Variants in BIRC5 observed in about 807,000 individuals in gnomAD.
The protein encoded by BIRC5 is baculoviral IAP repeat-containing protein 5.
BIRC5 carries 8 observed loss-of-function variants against 15.8 expected under a neutral mutation model. The observed-to-expected ratio is 0.51, with a 90% CI of 0.30 to 0.91. BIRC5 has a LOEUF of 0.91. BIRC5 is among the 40% of genes least tolerant of loss of function. The pLI is 0.07. For missense variants in BIRC5, 163 were observed against 178.6 expected, an observed-to-expected ratio of 0.91 and a Z score of 0.50; for synonymous variants, 56 against 64.5, an observed-to-expected ratio of 0.87 and a Z score of 0.63.
intron 3 of BIRC5, chr17:78,222,760 G>T (rs2076523657): frequency 7.2e-6 from 11 of 1,524,548 alleles, no homozygotes; most frequent in Non-Finnish European, 9.6e-6. Flanking sequence ...AGGAGTTAGG[G>T]TTTATAAAAA....
Position 78,223,727 on chromosome 17 carries a change from G to C in BIRC5, c.*173G>C. 1 of 1,377,602 alleles carries C rather than the reference G, an allele frequency of 7.3e-7. No individual in the cohort carries two copies. The highest frequency in any genetic ancestry group is 9.5e-7 in the Non-Finnish European group (1 of 1,047,434). 85.3% of individuals were successfully genotyped at this position (1,377,602 alleles called of 1,614,324 possible). ...TTGTTTTGTCTTGAAAGTGGCACCAGAGGTGCTTCTGCCTGTGCAGCGGGT... is the reference window on the plus strand; with the variant it reads ...TTGTTTTGTCTTGAAAGTGGCACCACAGGTGCTTCTGCCTGTGCAGCGGGT... On this transcript the variant is annotated 3_prime_UTR_variant, in exon 4 of 4. Transcript: ENST00000350051.
Position 78,216,710 on chromosome 17 carries a change from A to G in BIRC5, c.268A>G (p.Lys90Glu), listed in dbSNP as rs775794750. Residue 90 changes from lysine (K) to glutamate (E), a missense_variant, in exon 3 of 4, where the codon AAG becomes GAG. By Grantham distance (56) the Lys-to-Glu change is moderately conservative. Coordinates refer to ENST00000350051, the MANE Select transcript of BIRC5 (RefSeq NM_001168.3). ...HSSGCAFLSV[K>E]KQFEELTLGE... ...GTCCGGTTGCGCTTTCCTTTCTGTC[A>G]AGAAGCAGTTTGAAGAATTAACCCT... is the stretch of plus-strand genomic sequence containing the variant. 2.5e-6 allele frequency: 4 copies of G among 1,613,930 alleles called. No individual in the cohort carries two copies. The East Asian group carries it at 8.9e-5, about 36-fold the overall frequency.
chr17:78,221,703 T>C (rs572902432), intron 3 of BIRC5, among the ~76,000 whole-genome samples: 51 of 152,350 alleles, frequency 3.3e-4, no homozygotes, highest in African/African-American at 1.2e-3. Context: ...ATGTATAAAA[T>C]GGAGATATTG....
At chr17:78,217,958 ATTTATTT>A (rs1567864465) in intron 3 of BIRC5, among the ~76,000 whole-genome samples, 20 of 150,608 alleles carry the variant, frequency 1.3e-4, no homozygotes, top group Admixed American at 6.6e-4. Context: ...TGCCCACCTT[ATTTATTT>A]ATTTATTTAT....
chr17:78,219,447 A>G (rs1195611127), intron 3 of BIRC5, among the ~76,000 whole-genome samples: 1 of 152,162 alleles, frequency 6.6e-6, no homozygotes, highest in Non-Finnish European at 1.5e-5. Context: ...GGCATCCCAA[A>G]GTGCTGGGAT....
chr17:78,218,335 C>A (rs1170021727), intron 3 of BIRC5, among the ~76,000 whole-genome samples: 1 of 151,140 alleles, frequency 6.6e-6, no homozygotes, highest in Non-Finnish European at 1.5e-5. Context: ...ACTTTGTCAC[C>A]CAGGCTGGAG....
chr17:78,223,682 T>C lies in BIRC5; in HGVS notation c.*128T>C. On this transcript the variant is annotated 3_prime_UTR_variant, in exon 4 of 4. Transcript: ENST00000350051. ...GGAAAGGAGATCAACATTTTCAAAT[T>C]AGATGTTTCAACTGTGCTCTTGTTT... 6.6e-7 allele frequency: 1 copy of C among 1,511,718 alleles called. No individual in the cohort carries two copies. Among genetic ancestry groups the C allele is most frequent in the Non-Finnish European group, 8.9e-7 (1 of 1,125,846 alleles). The allele number at this position is 1,511,718 out of a possible 1,614,324, so 93.6% of individuals were successfully genotyped here. A position where few individuals can be genotyped will look rare whatever the true frequency, so the allele number is the denominator to read the frequency against.
At chr17:78,215,927 C>A in intron 2 of BIRC5, 4 of 1,065,926 alleles carry the variant, frequency 3.8e-6, no homozygotes, top group Non-Finnish European at 4.6e-6. Context: ...TTGGGGAACC[C>A]GGGGCAATAA....
chr17:78,222,746 G>T (rs2076523552), intron 3 of BIRC5: 16 of 1,492,410 alleles, frequency 1.1e-5, no homozygotes, highest in African/African-American at 1.4e-5. Flanking sequence ...TTTTAATGTA[G>T]TAGAGGAGTT....
rs778430304 is a variant in BIRC5 at position 78,223,507 on chromosome 17, G to A, written c.382G>A (p.Ala128Thr). Residue 128 changes from alanine (A) to threonine (T), a missense_variant, in exon 4 of 4, where the codon GCG (alanine) becomes ACG (threonine). Ala to Thr is a moderately conservative substitution (Grantham distance 58). Transcript: ENST00000350051. The part of the protein sequence containing the change: ...NNKKKEFEET[A>T]EKVRRAIEQL... ...TAAGAAGAAAGAATTTGAGGAAACT[G>A]CGGAGAAAGTGCGCCGTGCCATCGA... 3 of 1,609,596 alleles carry A rather than the reference G, an allele frequency of 1.9e-6. No homozygotes were observed. The highest frequency in any genetic ancestry group is 2.2e-5 in the East Asian group (1 of 44,772).
At chr17:78,219,523 T>C (rs1021909208) in intron 3 of BIRC5, among the ~76,000 whole-genome samples, 29 of 152,094 alleles carry the variant, frequency 1.9e-4, no homozygotes, top group African/African-American at 7.0e-4. Flanking sequence ...ACTGAGATTG[T>C]GTTTTGTCAG....
At chr17:78,222,850 G>A (rs2076524396) in intron 3 of BIRC5, 22 of 1,535,936 alleles carry the variant, frequency 1.4e-5, no homozygotes, top group Non-Finnish European at 1.9e-5. Context: ...TTAGCAGAAT[G>A]AAAAAATTGG....
Position 78,216,732 on chromosome 17 carries a change from C to G in BIRC5, c.290C>G (p.Thr97Ser). 1 of 1,613,928 alleles carries G rather than the reference C, an allele frequency of 6.2e-7. No homozygotes were observed. ...LSVKKQFEEL[T>S]LGEFLKLDRE... Reference sequence around the variant, plus strand: ...GTCAAGAAGCAGTTTGAAGAATTAACCCTTGGTGAATTTTTGAAACTGGAC... The same window carrying G: ...GTCAAGAAGCAGTTTGAAGAATTAAGCCTTGGTGAATTTTTGAAACTGGAC... Residue 97 changes from threonine (T) to serine (S), a missense_variant, in exon 3 of 4, where the codon ACC (threonine) becomes AGC (serine). Thr to Ser is a moderately conservative substitution (Grantham distance 58). Transcript: ENST00000350051.
chr17:78,216,133 C>G (rs1374503971), intron 2 of BIRC5: 1 of 214,604 alleles, frequency 4.7e-6, no homozygotes, highest in Non-Finnish European at 8.0e-6. Flanking sequence ...CCTGTAGTCC[C>G]AGCTACTCGG....
chr17:78,221,243 G>A (rs2145899570), intron 3 of BIRC5, among the ~76,000 whole-genome samples: 1 of 152,242 alleles, frequency 6.6e-6, no homozygotes, highest in African/African-American at 2.4e-5. Flanking sequence ...GTAGACCTGG[G>A]TGGCAGGAGT....
chr17:78,222,990 AAGGT>A lies in BIRC5; in HGVS notation c.340-471_340-468del, dbSNP rs2076525207. On this transcript the variant is annotated intron_variant, in intron 3 of 3. Coordinates refer to ENST00000350051, the MANE Select transcript of BIRC5 (RefSeq NM_001168.3). Reference sequence around the variant, plus strand: ...ACTTTCCTCCAGGAGTTTCAGGAGAAAGGTAGGGCAGTGGTTAAGAGCAGAGCTC... The same window carrying A: ...ACTTTCCTCCAGGAGTTTCAGGAGAAAGGGCAGTGGTTAAGAGCAGAGCTC... The A allele has an allele frequency of 4.0e-6, 6 of 1,485,106 alleles. No individual in the cohort carries two copies. In the South Asian group the frequency reaches 5.5e-5, roughly 13 times the overall value. The allele number at this position is 1,485,106 out of a possible 1,614,324, so 92.0% of individuals were successfully genotyped here.
chr17:78,218,438 C>T (rs1377233386), intron 3 of BIRC5, among the ~76,000 whole-genome samples: 4 of 144,782 alleles, frequency 2.8e-5, no homozygotes, highest in East Asian at 2.1e-4. Flanking sequence ...GGACTACAGG[C>T]ACGCACCACC....
chr17:78,219,094 A>AC (rs1255966232), intron 3 of BIRC5, among the ~76,000 whole-genome samples: 3 of 152,020 alleles, frequency 2.0e-5, no homozygotes, highest in Non-Finnish European at 4.4e-5. Context: ...TAGAGGTTAG[A>AC]CCCCCTATCC....
chr17:78,225,068 ATG>A lies in BIRC5; in HGVS notation c.*1515_*1516del, dbSNP rs1279363154. The A allele has an allele frequency of 1.3e-5, 2 of 152,214 alleles. No homozygotes were observed. Among genetic ancestry groups the A allele is most frequent in the Non-Finnish European group, 2.9e-5 (2 of 68,038 alleles). The allele number at this position is 152,214 out of a possible 1,614,324, so 9.4% of individuals were successfully genotyped here. A position where few individuals can be genotyped will look rare whatever the true frequency, so the allele number is the denominator to read the frequency against. On this transcript the variant is annotated 3_prime_UTR_variant, in exon 4 of 4. Transcript: ENST00000350051. ...TTTTGATATTTGTGTCAGTCTGTAA[ATG>A]GATACTTCACTTTAATAACTGTTGC... is the stretch of plus-strand genomic sequence containing the variant.
Sources: gnomAD v4.1 joint callset for allele counts (sites outside exome capture counted in the v4.1 genomes callset) on GRCh38, gnomAD v4.1.1 for gene constraint, MANE v1.5 for transcripts, NCBI Gene and HGNC (gene_info 2026-07-23, HGNC 2026-07-21) for gene names.